The following RBBP8 variants were observed in gnomAD, a reference collection of about 807,000 sequenced individuals.
The protein encoded by RBBP8 is RB binding protein 8, endonuclease, also known as DNA endonuclease RBBP8.
A neutral mutation model predicts 108.3 loss-of-function variants in RBBP8; 88 were observed. The ratio of observed to expected loss-of-function variants is 0.81; its 90% confidence interval spans 0.68 to 0.97. RBBP8 has a LOEUF of 0.97. Among genes scored for constraint, RBBP8 ranks in the 50% least tolerant of loss-of-function variants. The pLI, the probability that RBBP8 is intolerant of heterozygous loss-of-function variation, is 0.00. For synonymous variants in RBBP8, 332 were observed against 348.2 expected (o/e 0.95, Z 0.52); for missense variants, 1,023 against 1,049.0 (o/e 0.98, Z 0.34).
rs368965128 is a variant in RBBP8, at chr18:22,967,298, G to A, written c.249-1508G>A. Among the ~76,000 whole-genome samples, 9 of 151,258 alleles carry A rather than the reference G, an allele frequency of 6.0e-5. No individual in the cohort carries two copies. In the East Asian group the frequency reaches 1.0e-3, roughly 17 times the overall value. On this transcript the variant is annotated intron_variant, in intron 4 of 18. Transcript: ENST00000327155. ...GGAGAATGGTGTGAACCCAGGAGGC[G>A]GAGCTTGCAGTGAGCTGAGATTGCG...
intron 17 of RBBP8, among the ~76,000 whole-genome samples, chr18:23,018,996 T>A (rs936584354): frequency 1.3e-5 from 2 of 152,240 alleles, no homozygotes; most frequent in African/African-American, 4.8e-5. Flanking sequence ...TAGATTGTAA[T>A]ACAGGTAAGC....
intron 4 of RBBP8, among the ~76,000 whole-genome samples, chr18:22,955,384 T>C (rs1912428296): frequency 6.6e-6 from 1 of 152,160 alleles, no homozygotes; most frequent in Non-Finnish European, 1.5e-5. Flanking sequence ...TTAATTAAGC[T>C]GAAGATCTGT....
intron 2 of RBBP8, among the ~76,000 whole-genome samples, chr18:22,945,435 T>C (rs555182842): frequency 2.0e-5 from 3 of 152,312 alleles, no homozygotes; most frequent in Admixed American, 6.5e-5. Context: ...TTGCCCACGC[T>C]GGAGTGCAAT....
intron 16 of RBBP8, among the ~76,000 whole-genome samples, chr18:23,009,724 C>T (rs1381003045): frequency 1.3e-5 from 2 of 152,086 alleles, no homozygotes; most frequent in East Asian, 3.9e-4. Context: ...TGTATATAGT[C>T]ATGCTATCCA....
intron 8 of RBBP8, among the ~76,000 whole-genome samples, chr18:22,988,757 C>T (rs999919459): frequency 6.6e-6 from 1 of 152,232 alleles, no homozygotes. Context: ...TTGAGTTAAC[C>T]TTTATAAAAT....
chr18:22,996,540 C>T (rs2045862576), intron 13 of RBBP8, 78 bp downstream of exon 13: 2 of 1,570,810 alleles, frequency 1.3e-6, no homozygotes, highest in Non-Finnish European at 1.7e-6. Flanking sequence ...TCGTGACTCA[C>T]TGTATCACCT....
intron 4 of RBBP8, among the ~76,000 whole-genome samples, chr18:22,951,737 G>A (rs867002889): frequency 2.6e-5 from 4 of 152,192 alleles, no homozygotes; most frequent in Non-Finnish European, 5.9e-5. Context: ...ACTCTAAATT[G>A]GGGTTCCCAC....
chr18:23,012,208 C>CA (rs56096515), intron 16 of RBBP8, among the ~76,000 whole-genome samples: 1,559 of 109,214 alleles, frequency 0.014, 26 homozygotes, highest in African/African-American at 0.036. Flanking sequence ...ATGCTGTCTC[C>CA]AAAAAAAAAA....
intron 3 of RBBP8, among the ~76,000 whole-genome samples, chr18:22,917,997 C>CA (rs5823372): frequency 0.51 from 61,523 of 120,694 alleles, 16,956 homozygotes; most frequent in Non-Finnish European, 0.64. Flanking sequence ...GACTCCGTCT[C>CA]AAAAAAAAAA....
At chr18:22,925,142 T>C (rs1021203058) in intron 3 of RBBP8, among the ~76,000 whole-genome samples, 2 of 152,154 alleles carry the variant, frequency 1.3e-5, no homozygotes, top group African/African-American at 2.4e-5. Flanking sequence ...AGTGCTGAGA[T>C]TGTGGGCATG....
chr18:22,998,106 A>G (rs145358115), intron 14 of RBBP8, among the ~76,000 whole-genome samples: 1 of 152,268 alleles, frequency 6.6e-6, no homozygotes, highest in East Asian at 1.9e-4. Context: ...ATAGCCCCAC[A>G]AGCCTAAAAT....
chr18:22,975,257 T>G lies in RBBP8; in HGVS notation c.428+38T>G, dbSNP rs570074035. The G allele has an allele frequency of 6.0e-5, 97 of 1,605,862 alleles. 2 individuals carry two copies. The South Asian group carries it at 1.0e-3, about 17-fold the overall frequency. On this transcript the variant is annotated intron_variant, in intron 6 of 18. Transcript: ENST00000327155. ...CTCCAACCTTGTTATTTTATTTTAT[T>G]TAGCTATACAAACCATGAAGATAAC...
chr18:22,951,169 A>G (rs1912000802), intron 4 of RBBP8, among the ~76,000 whole-genome samples: 1 of 152,198 alleles, frequency 6.6e-6, no homozygotes, highest in African/African-American at 2.4e-5. Flanking sequence ...AGATTCCACA[A>G]CAAATATTTG....
Position 22,959,867 on chromosome 18 carries a change from T to TAAC in RBBP8, c.249-8939_249-8938insAAC, listed in dbSNP as rs1255909119. Among the ~76,000 whole-genome samples, 47 of 125,372 alleles carry TAAC rather than the reference T, an allele frequency of 3.7e-4. 1 individual carries two copies. The highest frequency in any genetic ancestry group is 1.1e-3 in the South Asian group (4 of 3,676). The allele number at this position is 125,372 out of a possible 152,430, so 82.2% of individuals were successfully genotyped here. ...TGGTAAAAATCTATATAAGATGAAC[T>TAAC]TTCTTTTTTTTTTTTTTTTTTTTTG... On this transcript the variant is annotated intron_variant, in intron 4 of 18. Transcript: ENST00000327155.
chr18:22,917,299 C>T (rs1909399370), intron 3 of RBBP8, among the ~76,000 whole-genome samples: 1 of 152,188 alleles, frequency 6.6e-6, no homozygotes. Flanking sequence ...AGAGAAAAGG[C>T]AGTATACTGA....
At chr18:23,003,699 T>C (rs2045986131) in intron 15 of RBBP8, among the ~76,000 whole-genome samples, 1 of 152,170 alleles carries the variant, frequency 6.6e-6, no homozygotes, top group Admixed American at 6.5e-5. Context: ...CTTTAATCTG[T>C]TTATTCCCTA....
At chr18:22,943,720 T>C (rs1911297374) in intron 2 of RBBP8, among the ~76,000 whole-genome samples, 1 of 152,158 alleles carries the variant, frequency 6.6e-6, no homozygotes. Flanking sequence ...AGGGGTATTA[T>C]TTATAATTCA....
chr18:22,954,786 G>A (rs984058102), intron 4 of RBBP8, among the ~76,000 whole-genome samples: 3 of 152,088 alleles, frequency 2.0e-5, no homozygotes, highest in African/African-American at 7.2e-5. Flanking sequence ...GGCGAAGGGG[G>A]AGTAAACACG....
intron 16 of RBBP8, among the ~76,000 whole-genome samples, chr18:23,009,589 G>C (rs1299684888): frequency 6.6e-6 from 1 of 150,952 alleles, no homozygotes; most frequent in Non-Finnish European, 1.5e-5. Flanking sequence ...CAGACTACAA[G>C]TATATTCAGA....
Sources: allele counts gnomAD v4.1 joint callset (sites outside exome capture counted in the v4.1 genomes callset), GRCh38; gene constraint gnomAD v4.1.1; transcripts MANE v1.5; gene names NCBI Gene and HGNC (gene_info 2026-07-23, HGNC 2026-07-21).